FGD3: variants seen among roughly 807,000 people sequenced by gnomAD.
FGD3 encodes FYVE, RhoGEF and PH domain containing 3, also known as FYVE, RhoGEF and PH domain-containing protein 3.
A neutral mutation model predicts 71.8 loss-of-function variants in FGD3; 45 were observed. That is an observed-to-expected ratio of 0.63 (90% confidence interval 0.49 to 0.80). The LOEUF (loss-of-function observed/expected upper bound fraction) is 0.80, where lower values mean the gene tolerates loss of function less well. FGD3 is among the 30% of genes least tolerant of loss of function. FGD3 has a pLI of 0.00. For synonymous variants in FGD3, 378 were observed against 392.8 expected (o/e 0.96, Z 0.44); for missense variants, 844 against 951.5 (o/e 0.89, Z 1.49).
chr9:92,994,084 A>G (rs1351278765), intron 3 of FGD3, among the ~76,000 whole-genome samples: 2 of 152,208 alleles, frequency 1.3e-5, no homozygotes, highest in African/African-American at 2.4e-5. Context: ...TCCCACCAAC[A>G]GTGTAAAAGC....
At chr9:93,034,238 C>T (rs536737311) in intron 16 of FGD3, 1 of 327,810 alleles carries the variant, frequency 3.1e-6, no homozygotes, top group Non-Finnish European at 5.6e-6. Context: ...GTGACCCACC[C>T]TCAGGTACTT....
In FGD3 at chr9:92,956,834, C is replaced by CTTTTTTTTTTTTTTTTTTTTTTTTTTT. The variant is rs34469364; in HGVS notation, c.-218+9108_-218+9109insTTTTTTTTTTTTTTTTTTTTTTTTTTT. The stretch of plus-strand genomic sequence containing the variant: ...TGAGATCCATCCATATAATTGCTTT[C>CTTTTTTTTTTTTTTTTTTTTTTTTTTT]TTTCTTTTTTTTTTTTTTTTTGAAG... On this transcript the variant is annotated intron_variant, in intron 1 of 17. Coordinates refer to ENST00000375482, the MANE Select transcript of FGD3 (RefSeq NM_001083536.2). 1.6e-5 allele frequency among the ~76,000 whole-genome samples: 2 copies of CTTTTTTTTTTTTTTTTTTTTTTTTTTT among 127,748 alleles called. 1 individual carries two copies. The highest frequency in any genetic ancestry group is 6.3e-5 in the African/African-American group (2 of 31,618). 83.8% of individuals were successfully genotyped at this position (127,748 alleles called of 152,430 possible). A position where few individuals can be genotyped will look rare whatever the true frequency, so the allele number is the denominator to read the frequency against.
rs748096509 is a variant in FGD3 at position 93,034,649 on chromosome 9, C to T, written c.1894C>T (p.Pro632Ser). The part of the protein sequence containing the change: ...EVWAAIPMSD[P>S]QVLHLQGGSQ... ...GTGGGCCGCCATCCCCATGTCAGAT[C>T]CCCAGGTGCTGCACCTGCAGGGAGG... Residue 632 changes from proline to serine, a missense_variant, in exon 17 of 18, where the codon CCC (proline) becomes TCC (serine). By Grantham distance (74) the Pro-to-Ser change is moderately conservative. Transcript: ENST00000375482. 6 of 1,613,340 alleles carry T rather than the reference C, an allele frequency of 3.7e-6. No individual in the cohort carries two copies. In the South Asian group the frequency reaches 6.6e-5, roughly 18 times the overall value.
At chr9:93,013,673 C>CTCCT (rs957471828) in intron 8 of FGD3, among the ~76,000 whole-genome samples, 179 bp from the exon 9 acceptor site, 26 of 152,276 alleles carry the variant, frequency 1.7e-4, no homozygotes, top group Middle Eastern at 3.4e-3. Flanking sequence ...GCATGGTGAA[C>CTCCT]TCCTATTCAT....
At chr9:92,989,975 G>T (rs537005513) in intron 3 of FGD3, among the ~76,000 whole-genome samples, 3 of 104,814 alleles carry the variant, frequency 2.9e-5, no homozygotes, top group African/African-American at 1.2e-4. Flanking sequence ...TATTTATTTT[G>T]CAGTTATTGT....
At chr9:92,987,488 T>G (rs1860234538) in intron 3 of FGD3, among the ~76,000 whole-genome samples, 1 of 151,636 alleles carries the variant, frequency 6.6e-6, no homozygotes, top group African/African-American at 2.4e-5. Flanking sequence ...ACAACAGACA[T>G]TGCATGGTGT....
In FGD3 at chr9:92,975,052, A is replaced by G. The variant is rs112518587; in HGVS notation, c.-217-186A>G. On this transcript the variant is annotated intron_variant, in intron 1 of 17. Coordinates refer to ENST00000375482, the MANE Select transcript of FGD3 (RefSeq NM_001083536.2). ...GTGCAGGCCCCACCCTTTTGGAGGC[A>G]TTGTGTGCCAGCCTGGGGGCTGAGG... Among the ~76,000 whole-genome samples, 282 of 152,282 alleles carry G rather than the reference A, an allele frequency of 1.9e-3. 1 individual carries two copies. Among genetic ancestry groups the G allele is most frequent in the African/African-American group, 6.6e-3 (274 of 41,574 alleles).
At chr9:92,951,265 CTAGCTTG>C (rs1858949823) in intron 1 of FGD3, among the ~76,000 whole-genome samples, 2 of 152,126 alleles carry the variant, frequency 1.3e-5, no homozygotes, top group Admixed American at 1.3e-4. Context: ...CTAAGTATTC[CTAGCTTG>C]TCTTCTCTGG....
At position 92,976,333 on chromosome 9, in the gene FGD3, G is replaced by A. The variant is rs377204137; in HGVS notation, c.77G>A (p.Ser26Asn). 7 of 1,610,546 alleles carry A rather than the reference G, an allele frequency of 4.3e-6. No homozygotes were observed. Among genetic ancestry groups the A allele is most frequent in the Non-Finnish European group, 5.9e-6 (7 of 1,178,974 alleles). Residue 26 changes from serine (S) to asparagine (N), a missense_variant, in exon 3 of 18, where the codon AGT becomes AAT. Ser to Asn is a conservative substitution (Grantham distance 46). Transcript: ENST00000375482. Reference sequence around the variant, plus strand: ...GGGATGCCAGACACTGGGCCTGGCAGTTCCTCCCTAGGGAAGCTTCAGGCG... The same window carrying A: ...GGGATGCCAGACACTGGGCCTGGCAATTCCTCCCTAGGGAAGCTTCAGGCG... ...ALGMPDTGPG[S>N]SSLGKLQALP... is the part of the protein sequence containing the mutation.
intron 6 of FGD3, among the ~76,000 whole-genome samples, chr9:93,008,781 T>G (rs1241515049): frequency 6.6e-6 from 1 of 152,024 alleles, no homozygotes; most frequent in Non-Finnish European, 1.5e-5. Flanking sequence ...CTGGGCAACA[T>G]AGTGAAACCC....
chr9:93,030,080 C>T, intron 15 of FGD3, 84 bp downstream of exon 15: 1 of 1,515,176 alleles, frequency 6.6e-7, no homozygotes, highest in Admixed American at 1.8e-5. Flanking sequence ...ACCAGCAGCA[C>T]ACCAGCCATG....
rs968125187 is a variant in FGD3, at chr9:93,010,379, C to T, written c.971C>T (p.Ala324Val). Residue 324 changes from alanine (A) to valine (V), a missense_variant, in exon 7 of 18, where the codon GCG becomes GTG. Physicochemically the swap from Ala to Val is moderately conservative, Grantham distance 64. Coordinates refer to ENST00000375482, the MANE Select transcript of FGD3 (RefSeq NM_001083536.2). ...LPQDAPDRKDAERSLELISTA... is the reference protein window; with the variant it reads ...LPQDAPDRKDVERSLELISTA... ...CAGGACGCCCCAGACCGGAAGGATGCGGAGAGTGAGCTGGGGCCAAGGGCT... is the reference window on the plus strand; with the variant it reads ...CAGGACGCCCCAGACCGGAAGGATGTGGAGAGTGAGCTGGGGCCAAGGGCT... 10 of 1,605,380 alleles carry T rather than the reference C, an allele frequency of 6.2e-6. 1 individual carries two copies. The highest frequency in any genetic ancestry group is 3.4e-5 in the Admixed American group (2 of 59,564).
In FGD3 at chr9:93,006,102, C is replaced by CT. The variant is rs759121329; in HGVS notation, c.762dup (p.Asp255Ter). 6.2e-7 allele frequency: 1 copy of CT among 1,613,424 alleles called. No homozygotes were observed. The highest frequency in any genetic ancestry group is 8.5e-7 in the Non-Finnish European group (1 of 1,179,758). Reference sequence around the variant, plus strand: ...AGATGTACGGCGAGTATGTCAAGAACTTTGACCGAGCCGTAGGGCTGGTGA... The same window carrying CT: ...AGATGTACGGCGAGTATGTCAAGAACTTTTGACCGAGCCGTAGGGCTGGTGA... On this transcript the variant is annotated frameshift_variant, in exon 6 of 18. Transcript: ENST00000375482. LOFTEE classifies it high-confidence loss of function.
chr9:93,010,528 A>ACAGAGACAGAGG, intron 7 of FGD3, 144 bp downstream of exon 7: 1 of 876,830 alleles, frequency 1.1e-6, no homozygotes, highest in Non-Finnish European at 1.6e-6. Context: ...AGAGACAGAG[A>ACAGAGACAGAGG]CAGAGGCAGG....
intron 1 of FGD3, among the ~76,000 whole-genome samples, chr9:92,971,561 C>CT (rs1318618124): frequency 1.3e-4 from 8 of 63,240 alleles, no homozygotes; most frequent in Admixed American, 2.1e-4. Context: ...CTTTTCTTTT[C>CT]TTTTCTTTTT....
chr9:92,975,745 G>A (rs1285454571), intron 2 of FGD3, among the ~76,000 whole-genome samples: 1 of 152,040 alleles, frequency 6.6e-6, no homozygotes, highest in Admixed American at 6.5e-5. Flanking sequence ...CTGGACCCCT[G>A]GGGGCTGTTT....
At chr9:93,015,145 A>T (rs1861618894) in intron 9 of FGD3, among the ~76,000 whole-genome samples, 1 of 152,148 alleles carries the variant, frequency 6.6e-6, no homozygotes, top group African/African-American at 2.4e-5. Context: ...TGGTGAATGT[A>T]TCAGTAGCTC....
intron 1 of FGD3, among the ~76,000 whole-genome samples, chr9:92,962,952 A>AAAAG (rs1859199059): frequency 1.3e-5 from 2 of 148,536 alleles, no homozygotes; most frequent in East Asian, 5.9e-4. Context: ...AAAAAAAAAA[A>AAAAG]AAAAGAAAAG....
At chr9:93,028,168 G>A (rs150654258) in intron 14 of FGD3, among the ~76,000 whole-genome samples, 3 of 150,650 alleles carry the variant, frequency 2.0e-5, no homozygotes, top group Non-Finnish European at 4.4e-5. Flanking sequence ...GCCTGGTGCT[G>A]TTCTTATGGC....
Sources: allele counts gnomAD v4.1 joint callset (sites outside exome capture counted in the v4.1 genomes callset), GRCh38; gene constraint gnomAD v4.1.1; transcripts MANE v1.5; gene names NCBI Gene and HGNC (gene_info 2026-07-23, HGNC 2026-07-21).